Variants in SLC24A2 observed in about 807,000 individuals in gnomAD.
SLC24A2 encodes the protein sodium/potassium/calcium exchanger 2.
In SLC24A2, 36 loss-of-function variants were observed where a neutral mutation model predicts 62.0. The observed-to-expected ratio is 0.58, with a 90% CI of 0.44 to 0.77. SLC24A2 has a LOEUF of 0.77. SLC24A2 is among the 30% of genes least tolerant of loss of function. SLC24A2 has a pLI of 0.00. For synonymous variants in SLC24A2, 358 were observed against 294.0 expected (o/e 1.22, Z -2.23); for missense variants, 846 against 817.9 (o/e 1.03, Z -0.42).
intron 2 of SLC24A2, among the ~76,000 whole-genome samples, chr9:19,655,926 A>T (rs1425486561): frequency 1.3e-5 from 2 of 152,168 alleles, no homozygotes; most frequent in African/African-American, 4.8e-5. Flanking sequence ...CATGTTTAAC[A>T]TTCCAATCTA....
chr9:19,548,773 C>G (rs929989650), intron 8 of SLC24A2, among the ~76,000 whole-genome samples: 5 of 152,224 alleles, frequency 3.3e-5, no homozygotes, highest in Non-Finnish European at 1.5e-5. Context: ...GCAGCATGGC[C>G]AGGGTAGCCA....
At chr9:19,990,467 C>T in the SLC24A2 span, among the ~76,000 whole-genome samples, 2 of 151,636 alleles carry the variant, frequency 1.3e-5, no homozygotes, top group African/African-American at 4.8e-5. Context: ...AAAAATTAGC[C>T]GGGCATGGTG....
chr9:19,636,328 T>C (rs941859056), intron 2 of SLC24A2, among the ~76,000 whole-genome samples: 1 of 28,854 alleles, frequency 3.5e-5, no homozygotes, highest in Non-Finnish European at 6.7e-5. Context: ...TCTTTCTTTC[T>C]TTCTTTCTTT....
chr9:19,541,814 G>T (rs374664726), intron 8 of SLC24A2, among the ~76,000 whole-genome samples: 1 of 149,248 alleles, frequency 6.7e-6, no homozygotes, highest in Admixed American at 6.7e-5. Flanking sequence ...CCTCGTTGCC[G>T]CCTTGCAGTT....
chr9:19,631,949 G>C (rs1818191023), intron 2 of SLC24A2, among the ~76,000 whole-genome samples: 1 of 152,164 alleles, frequency 6.6e-6, no homozygotes, highest in Non-Finnish European at 1.5e-5. Flanking sequence ...TTTGGCTGGT[G>C]AAAGGGTTGA....
the SLC24A2 span, among the ~76,000 whole-genome samples, chr9:20,030,394 G>GTAAC: frequency 6.6e-6 from 1 of 152,178 alleles, no homozygotes; most frequent in Non-Finnish European, 1.5e-5. Flanking sequence ...AGCTGCTACG[G>GTAAC]TAACCGAGCT....
At chr9:19,806,300 T>A in the SLC24A2 span, among the ~76,000 whole-genome samples, 4 of 152,232 alleles carry the variant, frequency 2.6e-5, no homozygotes, top group South Asian at 8.3e-4. Flanking sequence ...CTTGAGTATA[T>A]CCTACAGAAA....
At chr9:20,056,775 T>A in the SLC24A2 span, among the ~76,000 whole-genome samples, 2 of 152,184 alleles carry the variant, frequency 1.3e-5, no homozygotes, top group African/African-American at 4.8e-5. Context: ...TAGGCAGATG[T>A]GGCCACAGGG....
chr9:20,064,296 A>G, the SLC24A2 span, among the ~76,000 whole-genome samples: 2 of 152,194 alleles, frequency 1.3e-5, no homozygotes, highest in Admixed American at 1.3e-4. Context: ...GAGTAGATCA[A>G]TGGTTGCTGG....
chr9:20,109,981 A>T, the SLC24A2 span, among the ~76,000 whole-genome samples: 2 of 152,312 alleles, frequency 1.3e-5, no homozygotes, highest in South Asian at 4.1e-4. Flanking sequence ...TTCTTTTTAC[A>T]CAAAGAAACT....
At chr9:20,039,221 C>T in the SLC24A2 span, among the ~76,000 whole-genome samples, 1 of 152,176 alleles carries the variant, frequency 6.6e-6, no homozygotes, top group Non-Finnish European at 1.5e-5. Context: ...AAATCTCAAA[C>T]TTCTTTGTGC....
intron 2 of SLC24A2, among the ~76,000 whole-genome samples, chr9:19,630,149 A>C (rs928725268): frequency 3.3e-5 from 5 of 152,232 alleles, no homozygotes; most frequent in African/African-American, 1.2e-4. Context: ...CCTGTGGCCT[A>C]ATCATTACTT....
At chr9:19,580,876 C>T (rs553654286) in intron 5 of SLC24A2, among the ~76,000 whole-genome samples, 2 of 152,230 alleles carry the variant, frequency 1.3e-5, no homozygotes, top group South Asian at 2.1e-4. Flanking sequence ...TAGTGACATA[C>T]GATGTCCATA....
At chr9:19,997,889 T>A in the SLC24A2 span, among the ~76,000 whole-genome samples, 1 of 152,182 alleles carries the variant, frequency 6.6e-6, no homozygotes, top group Non-Finnish European at 1.5e-5. Context: ...CAGATTTGAA[T>A]CAGAATTTTA....
At chr9:20,014,524 A>T in the SLC24A2 span, among the ~76,000 whole-genome samples, 1 of 151,438 alleles carries the variant, frequency 6.6e-6, no homozygotes, top group Non-Finnish European at 1.5e-5. Flanking sequence ...ATATACACAC[A>T]CACACAATGG....
the SLC24A2 span, among the ~76,000 whole-genome samples, chr9:20,159,527 T>C: frequency 7.3e-5 from 11 of 151,612 alleles, no homozygotes; most frequent in East Asian, 1.2e-3. Flanking sequence ...ACAGATTTGA[T>C]TGCGGTAAAT....
chr9:19,533,485 G>T (rs1833804463), intron 8 of SLC24A2, among the ~76,000 whole-genome samples: 1 of 152,224 alleles, frequency 6.6e-6, no homozygotes, highest in Non-Finnish European at 1.5e-5. Context: ...TGTATTGGAA[G>T]TGACAGCGTG....
the SLC24A2 span, among the ~76,000 whole-genome samples, chr9:19,951,429 C>T: frequency 6.6e-6 from 1 of 152,036 alleles, no homozygotes; most frequent in African/African-American, 2.4e-5. Flanking sequence ...GAAATATTTG[C>T]TTAACCTAAT....
chr9:19,976,709 G>A, the SLC24A2 span, among the ~76,000 whole-genome samples: 4,282 of 152,234 alleles, frequency 0.028, 156 homozygotes, highest in African/African-American at 0.087. Flanking sequence ...CCACCATTTG[G>A]TATAAGAAAT....
Sources: allele counts gnomAD v4.1 joint callset (sites outside exome capture counted in the v4.1 genomes callset), GRCh38; gene constraint gnomAD v4.1.1; transcripts MANE v1.5; gene names NCBI Gene and HGNC (gene_info 2026-07-23, HGNC 2026-07-21).